The following PLEKHG1 variants were observed in gnomAD, a reference collection of about 807,000 sequenced individuals.
PLEKHG1 encodes pleckstrin homology domain-containing family G member 1.
PLEKHG1 carries 44 observed loss-of-function variants against 100.8 expected under a neutral mutation model. The observed-to-expected ratio is 0.44, with a 90% CI of 0.34 to 0.56. The LOEUF is 0.56. Ranked by LOEUF, PLEKHG1 falls within the 20% of genes least tolerant of loss-of-function variation. The pLI is 0.01. For synonymous variants in PLEKHG1, 640 were observed against 662.5 expected (o/e 0.97, Z 0.52); for missense variants, 1,545 against 1,720.9 (o/e 0.90, Z 1.81).
At chr6:150,759,503 G>T (rs1784040493) in intron 2 of PLEKHG1, among the ~76,000 whole-genome samples, 1 of 152,134 alleles carries the variant, frequency 6.6e-6, no homozygotes, top group South Asian at 2.1e-4. Flanking sequence ...TAGGGTTTCA[G>T]TGCCCAGGCT....
intron 3 of PLEKHG1, among the ~76,000 whole-genome samples, chr6:150,679,696 ATT>A (rs1225722917): frequency 2.0e-5 from 3 of 152,224 alleles, no homozygotes; most frequent in African/African-American, 7.2e-5. Context: ...GGCTGTGGGA[ATT>A]TGATGCAGGC....
intron 1 of PLEKHG1, among the ~76,000 whole-genome samples, chr6:150,613,205 C>T (rs1224675346): frequency 6.6e-6 from 1 of 152,204 alleles, no homozygotes; most frequent in Non-Finnish European, 1.5e-5. Context: ...ATATCAGAGT[C>T]TTGCTGTCTC....
Position 150,831,272 on chromosome 6 carries a change from C to G in PLEKHG1, c.2161C>G (p.Leu721Val), listed in dbSNP as rs1776911878. 4 of 1,614,146 alleles carry G rather than the reference C, an allele frequency of 2.5e-6. No individual in the cohort carries two copies. Among genetic ancestry groups the G allele is most frequent in the Non-Finnish European group, 2.5e-6 (3 of 1,180,028 alleles). Residue 721 changes from leucine to valine, a missense_variant, in exon 15 of 16, where the codon CTC (leucine) becomes GTC (valine). Physicochemically the swap from Leu to Val is conservative, Grantham distance 32. Coordinates refer to ENST00000358517, the Ensembl canonical transcript of PLEKHG1. The surrounding 1 kb of genome is among the most constrained non-coding windows in gnomAD (Gnocchi z 4.1). ...TCTTTACGCACAAACAGATGGCACC[C>G]TCTCAGGTGGAGAGGCATCCAGCCA...
chr6:150,690,353 A>T (rs1300688951), intron 3 of PLEKHG1, among the ~76,000 whole-genome samples: 1 of 151,524 alleles, frequency 6.6e-6, no homozygotes, highest in Non-Finnish European at 1.5e-5. Context: ...CCCCACCAAC[A>T]TCGTTACTGT....
At chr6:150,726,129 G>A (rs1450464448) in intron 1 of PLEKHG1, among the ~76,000 whole-genome samples, 1 of 152,132 alleles carries the variant, frequency 6.6e-6, no homozygotes, top group Non-Finnish European at 1.5e-5. Flanking sequence ...GAGAAACAGG[G>A]AGGTAATAGT....
chr6:150,673,290 C>T (rs1003415398), intron 3 of PLEKHG1, among the ~76,000 whole-genome samples: 1 of 152,364 alleles, frequency 6.6e-6, no homozygotes, highest in Middle Eastern at 3.4e-3. Flanking sequence ...AGCAAATGCA[C>T]ATCTCTCTAG....
At chr6:150,666,197 T>G (rs1243901087) in intron 3 of PLEKHG1, among the ~76,000 whole-genome samples, 1 of 152,176 alleles carries the variant, frequency 6.6e-6, no homozygotes, top group African/African-American at 2.4e-5. Flanking sequence ...CAAAATGTAT[T>G]AAAAGGGTCA....
intron 3 of PLEKHG1, among the ~76,000 whole-genome samples, chr6:150,675,912 A>T (rs1779737786): frequency 6.6e-6 from 1 of 152,252 alleles, no homozygotes; most frequent in Non-Finnish European, 1.5e-5. Context: ...ATACCTACAA[A>T]ACATAGATGA....
intron 1 of PLEKHG1, among the ~76,000 whole-genome samples, chr6:150,629,253 G>T (rs577155735): frequency 6.6e-6 from 1 of 152,026 alleles, no homozygotes; most frequent in African/African-American, 2.4e-5. Context: ...CTCATTTTTC[G>T]GATATACCCT....
At chr6:150,822,278 A>G (rs1401742370) in intron 13 of PLEKHG1, among the ~76,000 whole-genome samples, 1 of 152,162 alleles carries the variant, frequency 6.6e-6, no homozygotes, top group African/African-American at 2.4e-5. Flanking sequence ...AATGAAATAA[A>G]TAGAAGGGAA....
chr6:150,624,618 G>T (rs1328937649), intron 1 of PLEKHG1: 2 of 152,140 alleles, frequency 1.3e-5, no homozygotes, highest in African/African-American at 4.8e-5. Flanking sequence ...ATTTCTGTTT[G>T]GATTAAGGAA....
chr6:150,693,658 C>T (rs112320360), intron 3 of PLEKHG1, among the ~76,000 whole-genome samples: 1,534 of 152,332 alleles, frequency 0.01, 24 homozygotes, highest in African/African-American at 0.033. Context: ...TGCTTTCTCA[C>T]CCGCTCTAAG....
chr6:150,666,887 A>C (rs922667407), intron 3 of PLEKHG1, among the ~76,000 whole-genome samples: 4 of 151,920 alleles, frequency 2.6e-5, no homozygotes, highest in Admixed American at 2.6e-4. Context: ...CAGCCTCCCA[A>C]GTAGCTGGGA....
At chr6:150,681,537 CT>C (rs953008148) in intron 3 of PLEKHG1, among the ~76,000 whole-genome samples, 79 of 150,820 alleles carry the variant, frequency 5.2e-4, no homozygotes, top group Non-Finnish European at 8.7e-4. Context: ...AGTAGATCGT[CT>C]TTTTTTTTAT....
chr6:150,777,810 CTG>C (rs1785076954), intron 3 of PLEKHG1, among the ~76,000 whole-genome samples: 1 of 152,274 alleles, frequency 6.6e-6, no homozygotes, highest in Non-Finnish European at 1.5e-5. Context: ...ATCAGCCACA[CTG>C]ATGCAATCCT....
At chr6:150,820,506 G>A (rs1776235326) in intron 12 of PLEKHG1, among the ~76,000 whole-genome samples, 1 of 152,130 alleles carries the variant, frequency 6.6e-6, no homozygotes. Flanking sequence ...CTAAGGACTA[G>A]GAATGCAAGG....
At chr6:150,787,670 C>A (rs1785709439) in intron 4 of PLEKHG1, among the ~76,000 whole-genome samples, 1 of 152,184 alleles carries the variant, frequency 6.6e-6, no homozygotes, top group African/African-American at 2.4e-5. Context: ...TGGACTGTTC[C>A]ACAGGGTCAT....
chr6:150,819,438 G>T (rs991074081), intron 11 of PLEKHG1, among the ~76,000 whole-genome samples: 2 of 151,956 alleles, frequency 1.3e-5, no homozygotes, highest in East Asian at 3.9e-4. Flanking sequence ...GGTGGCACGC[G>T]CCTGTAGTCT....
intron 2 of PLEKHG1, among the ~76,000 whole-genome samples, chr6:150,649,343 G>A (rs928557676): frequency 5.3e-5 from 8 of 151,970 alleles, no homozygotes; most frequent in Admixed American, 2.0e-4. Flanking sequence ...CTCTAGTTGG[G>A]CTATTTTTAT....
Sources: gnomAD v4.1 joint callset for allele counts (sites outside exome capture counted in the v4.1 genomes callset) on GRCh38, gnomAD v4.1.1 for gene constraint, Gnocchi (gnomAD v3.1) non-coding constraint, MANE v1.5 for transcripts, NCBI Gene and HGNC (gene_info 2026-07-23, HGNC 2026-07-21) for gene names.